The following LMNTD1 variants were observed in gnomAD, a reference collection of about 807,000 sequenced individuals.
LMNTD1 encodes the protein lamin tail domain-containing protein 1.
A neutral mutation model predicts 50.9 loss-of-function variants in LMNTD1; 35 were observed. The ratio of observed to expected loss-of-function variants is 0.69; its 90% confidence interval spans 0.53 to 0.91. The LOEUF (loss-of-function observed/expected upper bound fraction) is 0.91. Ranked by LOEUF, LMNTD1 falls within the 40% of genes least tolerant of loss-of-function variation. LMNTD1 has a pLI of 0.00. For synonymous variants in LMNTD1, 153 were observed against 161.9 expected (o/e 0.94, Z 0.42); for missense variants, 470 against 475.5 (o/e 0.99, Z 0.11).
intron 1 of LMNTD1, among the ~76,000 whole-genome samples, chr12:25,566,929 C>T (rs1461606138): frequency 1.3e-5 from 2 of 152,130 alleles, no homozygotes; most frequent in African/African-American, 4.8e-5. Context: ...GAAACATCTC[C>T]CTTGTGTGCA....
At chr12:25,572,720 A>T (rs1944845266) in intron 1 of LMNTD1, among the ~76,000 whole-genome samples, 1 of 151,946 alleles carries the variant, frequency 6.6e-6, no homozygotes, top group African/African-American at 2.4e-5. Context: ...TCAAAACAAA[A>T]AGCAAAAAAC....
At chr12:25,633,648 T>C (rs984750763) in intron 1 of LMNTD1, among the ~76,000 whole-genome samples, 2 of 152,132 alleles carry the variant, frequency 1.3e-5, no homozygotes, top group Non-Finnish European at 1.5e-5. Context: ...TGACACAACC[T>C]ATCAAAATCC....
intron 4 of LMNTD1, 37 bp downstream of exon 4, chr12:25,546,337 G>A (rs1943425215): frequency 4.4e-6 from 6 of 1,368,826 alleles, no homozygotes; most frequent in Middle Eastern, 2.7e-4. Context: ...GTCCTACCCC[G>A]ACAGAAGATA....
At chr12:25,477,993 G>C (rs1352467693) in intron 9 of LMNTD1, among the ~76,000 whole-genome samples, 2 of 152,054 alleles carry the variant, frequency 1.3e-5, no homozygotes, top group African/African-American at 4.8e-5. Flanking sequence ...GATGTAGGCT[G>C]GAAGGCTAGG....
intron 8 of LMNTD1, among the ~76,000 whole-genome samples, chr12:25,507,412 T>A (rs1939879427): frequency 6.6e-6 from 1 of 152,224 alleles, no homozygotes; most frequent in African/African-American, 2.4e-5. Flanking sequence ...GGAAACTAAA[T>A]CTTGAAATGG....
At chr12:25,563,284 C>T (rs1039962047) in intron 1 of LMNTD1, among the ~76,000 whole-genome samples, 17 of 152,168 alleles carry the variant, frequency 1.1e-4, no homozygotes, top group African/African-American at 3.9e-4. Context: ...TTTTATCTAC[C>T]GTTAGTCTTT....
At position 25,518,895 on chromosome 12, in the gene LMNTD1, A is replaced by G; in HGVS notation, c.1089T>C (p.His363=). 6.2e-7 allele frequency: 1 copy of G among 1,614,136 alleles called. No individual in the cohort carries two copies. Among genetic ancestry groups the G allele is most frequent in the Non-Finnish European group, 8.5e-7 (1 of 1,180,014 alleles). ...PWCQNPYVSA[H]PYCPLIEPHN... ...GTGGTTCAATCAGAGGACAGTAAGG[A>G]TGTGCAGAGACATAGGGATTCTGGC... The change falls in exon 8 of 10, where the codon CAT becomes CAC. Residue 363 remains histidine, a synonymous_variant. Coordinates refer to ENST00000458174, the MANE Select transcript of LMNTD1 (RefSeq NM_001145728.2).
At chr12:25,580,693 T>C (rs1218718389) in intron 1 of LMNTD1, among the ~76,000 whole-genome samples, 2 of 152,340 alleles carry the variant, frequency 1.3e-5, no homozygotes, top group East Asian at 3.9e-4. Flanking sequence ...CGATCAAAGC[T>C]ACACTATGGA....
intron 1 of LMNTD1, 30 bp downstream of exon 1, chr12:25,553,039 G>A: frequency 6.2e-7 from 1 of 1,607,064 alleles, no homozygotes; most frequent in South Asian, 1.1e-5. Flanking sequence ...TGAGGTTCAA[G>A]GCAGATTTTT....
intron 1 of LMNTD1, among the ~76,000 whole-genome samples, chr12:25,622,477 G>A (rs1267043040): frequency 1.9e-4 from 10 of 53,384 alleles, no homozygotes; most frequent in Admixed American, 6.1e-4. Flanking sequence ...GCCCCCCCCC[G>A]CAAAATAATA....
intron 6 of LMNTD1, among the ~76,000 whole-genome samples, chr12:25,524,882 C>T (rs1372454385): frequency 2.6e-5 from 4 of 152,160 alleles, no homozygotes; most frequent in South Asian, 4.1e-4. Flanking sequence ...AGTTATATCT[C>T]ATGGGTGCTC....
intron 1 of LMNTD1, among the ~76,000 whole-genome samples, chr12:25,613,284 AT>A (rs920122051): frequency 3.9e-5 from 6 of 152,204 alleles, no homozygotes; most frequent in Non-Finnish European, 8.8e-5. Flanking sequence ...AAGCACTCTT[AT>A]TGCTGGTTCT....
rs71851020 is a variant in LMNTD1 at position 25,517,707 on chromosome 12, G to GAATAAT, written c.1189+1082_1189+1087dup. On this transcript the variant is annotated intron_variant, in intron 8 of 9. Coordinates refer to ENST00000458174, the MANE Select transcript of LMNTD1 (RefSeq NM_001145728.2). ...ATGTACCCTAAAACTTAAAGTGTAAGAATAATAATAATAATAATAATAATA... is the reference window on the plus strand; with the variant it reads ...ATGTACCCTAAAACTTAAAGTGTAAGAATAATAATAATAATAATAATAATAATAATA... Among the ~76,000 whole-genome samples the GAATAAT allele has an allele frequency of 3.5e-3, 492 of 139,252 alleles. 6 individuals carry two copies. The highest frequency in any genetic ancestry group is 0.013 in the African/African-American group (473 of 37,428). 91.4% of individuals were successfully genotyped at this position (139,252 alleles called of 152,430 possible).
At position 25,612,328 on chromosome 12, in the gene LMNTD1, A is replaced by ACACACACACG. The variant is rs34069424; in HGVS notation, c.58+36165_58+36166insCGTGTGTGTG. 3.8e-3 allele frequency among the ~76,000 whole-genome samples: 555 copies of ACACACACACG among 146,520 alleles called. 7 individuals are homozygous for ACACACACACG. Among genetic ancestry groups the ACACACACACG allele is most frequent in the African/African-American group, 0.012 (459 of 39,768 alleles). ...CACACACACACACACACACACACAC[A>ACACACACACG]CGCGCTCCCACTGTCAACAACACTG... On this transcript the variant is annotated intron_variant, in intron 1 of 7. Transcript: ENST00000445693.
intron 9 of LMNTD1, among the ~76,000 whole-genome samples, chr12:25,484,593 C>T (rs1260426477): frequency 5.3e-5 from 8 of 150,474 alleles, no homozygotes; most frequent in African/African-American, 1.7e-4. Flanking sequence ...CGTGCTGGTG[C>T]GCTGCACCCA....
At chr12:25,519,185 A>T (rs983684987) in intron 7 of LMNTD1, among the ~76,000 whole-genome samples, 3 of 152,158 alleles carry the variant, frequency 2.0e-5, no homozygotes, top group African/African-American at 7.2e-5. Context: ...ATCCAAGATA[A>T]AATTCCTGGA....
In LMNTD1 at chr12:25,601,354, A is replaced by G. The variant is rs188413955; in HGVS notation, c.58+47140T>C. ...AGAGGTAGAGATGGTTAATGGGTGAACAAAAAAATAGTTAGAAAGAATGAA... is the reference window on the plus strand; with the variant it reads ...AGAGGTAGAGATGGTTAATGGGTGAGCAAAAAAATAGTTAGAAAGAATGAA... On this transcript the variant is annotated intron_variant, in intron 1 of 7. Coordinates refer to the LMNTD1 transcript ENST00000445693. Among the ~76,000 whole-genome samples the G allele has an allele frequency of 9.3e-4, 141 of 151,856 alleles. 1 individual carries two copies. The highest frequency in any genetic ancestry group is 2.6e-3 in the African/African-American group (108 of 41,520).
At chr12:25,584,488 G>A (rs537616096) in intron 1 of LMNTD1, among the ~76,000 whole-genome samples, 29 of 152,100 alleles carry the variant, frequency 1.9e-4, no homozygotes, top group South Asian at 4.1e-4. Flanking sequence ...TCTAATGCAC[G>A]GATTTTATAT....
chr12:25,552,203 A>G (rs536129660), intron 2 of LMNTD1, among the ~76,000 whole-genome samples: 1 of 152,278 alleles, frequency 6.6e-6, no homozygotes, highest in Admixed American at 6.5e-5. Context: ...AGGGATTATA[A>G]TTTTATATAA....
Sources: allele counts gnomAD v4.1 joint callset (sites outside exome capture counted in the v4.1 genomes callset), GRCh38; gene constraint gnomAD v4.1.1; transcripts MANE v1.5; gene names NCBI Gene and HGNC (gene_info 2026-07-23, HGNC 2026-07-21).